The following TMTC1 variants were observed in gnomAD, a reference collection of about 807,000 sequenced individuals.
TMTC1 encodes transmembrane O-mannosyltransferase targeting cadherins 1, also known as protein O-mannosyl-transferase TMTC1.
Under a neutral mutation model 104.8 loss-of-function variants are expected in TMTC1, and 73 were observed. The ratio of observed to expected loss-of-function variants is 0.70; its 90% CI spans 0.58 to 0.85. The LOEUF is 0.85. Ranked by LOEUF, TMTC1 falls within the 40% of genes least tolerant of loss-of-function variation. TMTC1 has a pLI of 0.00. For synonymous variants in TMTC1, 434 were observed against 428.7 expected (o/e 1.01, Z -0.15); for missense variants, 1,035 against 1,096.1 (o/e 0.94, Z 0.79).
chr12:29,581,499 A>T, intron 8 of TMTC1, among the ~76,000 whole-genome samples: 1 of 152,230 alleles, frequency 6.6e-6, no homozygotes, highest in East Asian at 1.9e-4. Context: ...ATGTGAAGAT[A>T]CTACATACTT....
At chr12:29,729,660 C>A (rs1355168289) in intron 5 of TMTC1, among the ~76,000 whole-genome samples, 1 of 152,144 alleles carries the variant, frequency 6.6e-6, no homozygotes, top group Non-Finnish European at 1.5e-5. Flanking sequence ...GGGGTTACGG[C>A]CTCACTGGTG....
intron 2 of TMTC1, among the ~76,000 whole-genome samples, 169 bp downstream of exon 2, chr12:29,767,729 T>C (rs1020601346): frequency 6.6e-6 from 1 of 152,170 alleles, no homozygotes; most frequent in Non-Finnish European, 1.5e-5. Flanking sequence ...TCATATGTTT[T>C]TGAAAAGGAA....
Position 29,501,866 on chromosome 12 carries a change from G to A in TMTC1, c.*4980C>T, listed in dbSNP as rs1405550328. 6.6e-6 allele frequency: 1 copy of A among 151,930 alleles called. No homozygotes were observed. Among genetic ancestry groups the A allele is most frequent in the Non-Finnish European group, 1.5e-5 (1 of 67,988 alleles). The allele number at this position is 151,930 out of a possible 1,614,324, so 9.4% of individuals were successfully genotyped here. On this transcript the variant is annotated 3_prime_UTR_variant, in exon 18 of 18. Transcript: ENST00000539277. ...TTATAAAGATCTTATCAATTCTGTT[G>A]TGCCACTTTGATTGATATTAAACCA... is the stretch of plus-strand genomic sequence containing the variant.
chr12:29,549,555 C>A (rs544733696), intron 10 of TMTC1, among the ~76,000 whole-genome samples: 174 of 151,794 alleles, frequency 1.1e-3, no homozygotes, highest in African/African-American at 4.0e-3. Context: ...TAAAAAAAAA[C>A]ACACAAACAC....
chr12:29,684,642 T>C (rs2136729294), intron 5 of TMTC1, among the ~76,000 whole-genome samples: 1 of 152,300 alleles, frequency 6.6e-6, no homozygotes, highest in Middle Eastern at 3.4e-3. Flanking sequence ...ACACTGATCA[T>C]TGGTGTGTAA....
intron 7 of TMTC1, among the ~76,000 whole-genome samples, chr12:29,592,458 T>C (rs1185518641): frequency 1.3e-5 from 2 of 152,204 alleles, no homozygotes; most frequent in Non-Finnish European, 2.9e-5. Context: ...TCTTTATATA[T>C]ATTTCTCCAT....
chr12:29,580,160 TA>T (rs1176181556), intron 8 of TMTC1, among the ~76,000 whole-genome samples: 1 of 151,782 alleles, frequency 6.6e-6, no homozygotes, highest in Non-Finnish European at 1.5e-5. Context: ...CTACAAAACA[TA>T]AAAAAATATT....
At chr12:29,624,475 C>T (rs907440951) in intron 6 of TMTC1, among the ~76,000 whole-genome samples, 6 of 152,222 alleles carry the variant, frequency 3.9e-5, no homozygotes, top group African/African-American at 1.4e-4. Flanking sequence ...CACACACTCG[C>T]TCCTTAATCA....
At position 29,513,763 on chromosome 12, in the gene TMTC1, A is replaced by G. The variant is rs746241683; in HGVS notation, c.2430+719T>C. ...TATTCCAAAACCATAGATACTGAAC[A>G]CCTTGTAAGATGCAAAACATTGTTT... On this transcript the variant is annotated intron_variant, in intron 16 of 17. Transcript: ENST00000539277. Among the ~76,000 whole-genome samples the G allele has an allele frequency of 1.3e-4, 20 of 152,198 alleles. 1 individual carries two copies. Among genetic ancestry groups the G allele is most frequent in the Admixed American group, 6.5e-5 (1 of 15,280 alleles).
At chr12:29,748,134 T>C (rs1185010721) in intron 5 of TMTC1, among the ~76,000 whole-genome samples, 1 of 152,186 alleles carries the variant, frequency 6.6e-6, no homozygotes, top group Non-Finnish European at 1.5e-5. Context: ...TGGGGGAAGA[T>C]GGTCCGGGAC....
At chr12:29,587,901 T>C (rs1236436016) in intron 7 of TMTC1, among the ~76,000 whole-genome samples, 1 of 152,202 alleles carries the variant, frequency 6.6e-6, no homozygotes, top group African/African-American at 2.4e-5. Context: ...CAACTAAATA[T>C]TCTCATTCCT....
At chr12:29,768,509 C>T (rs1218739364) in intron 1 of TMTC1, among the ~76,000 whole-genome samples, 2 of 152,230 alleles carry the variant, frequency 1.3e-5, no homozygotes, top group South Asian at 2.1e-4. Flanking sequence ...CATGAAACTA[C>T]GATTATAGTC....
intron 11 of TMTC1, among the ~76,000 whole-genome samples, chr12:29,527,360 C>T (rs768116993): frequency 6.6e-6 from 1 of 152,216 alleles, no homozygotes; most frequent in Non-Finnish European, 1.5e-5. Flanking sequence ...GTGAGAGACA[C>T]AATCCCTACC....
intron 5 of TMTC1, among the ~76,000 whole-genome samples, chr12:29,696,531 T>A (rs1941428800): frequency 6.6e-6 from 1 of 152,188 alleles, no homozygotes; most frequent in Admixed American, 6.5e-5. Flanking sequence ...TTAAATGAAA[T>A]CTTTTGCTCT....
intron 10 of TMTC1, among the ~76,000 whole-genome samples, chr12:29,551,658 G>A (rs1483097488): frequency 6.6e-6 from 1 of 152,114 alleles, no homozygotes; most frequent in African/African-American, 2.4e-5. Flanking sequence ...TATTTTAACA[G>A]AGCATTCACA....
chr12:29,508,634 T>C (rs1385317893), intron 17 of TMTC1, among the ~76,000 whole-genome samples: 1 of 152,052 alleles, frequency 6.6e-6, no homozygotes, highest in Non-Finnish European at 1.5e-5. Context: ...AGTGCAGTGG[T>C]GCAATGTCAG....
chr12:29,518,616 A>C lies in TMTC1; in HGVS notation c.1889-9T>G. The C allele has an allele frequency of 1.2e-6, 2 of 1,613,610 alleles. No individual in the cohort carries two copies. Among genetic ancestry groups the C allele is most frequent in the Non-Finnish European group, 1.7e-6 (2 of 1,179,656 alleles). On this transcript the variant is annotated splice_polypyrimidine_tract_variant and intron_variant, in intron 12 of 17. Coordinates refer to ENST00000539277, the MANE Select transcript of TMTC1 (RefSeq NM_001193451.2). ...TGCCTTTTCTGGTAAGCCTGTAACC[A>C]GTGACAGGTTGGTAAGAGCAGAACA...
rs768049321 is a variant in TMTC1 at position 29,512,084 on chromosome 12, C to G, written c.2467G>C (p.Ala823Pro). Reference protein sequence around the residue: ...RVAVQLNPDQAQAWMNMGGIQ... With the variant: ...RVAVQLNPDQPQAWMNMGGIQ... The stretch of plus-strand genomic sequence containing the variant: ...CCACCCATGTTCATCCAGGCCTGTG[C>G]TTGGTCTGGGTTTAGTTGCACAGCC... Residue 823 changes from alanine (A) to proline (P), a missense_variant, in exon 17 of 18, where the codon GCA (alanine) becomes CCA (proline). Ala to Pro is a conservative substitution (Grantham distance 27, BLOSUM62 -1). Transcript: ENST00000539277. 6.2e-7 allele frequency: 1 copy of G among 1,614,044 alleles called. No homozygotes were observed. Among genetic ancestry groups the G allele is most frequent in the East Asian group, 2.2e-5 (1 of 44,874 alleles).
intron 6 of TMTC1, among the ~76,000 whole-genome samples, chr12:29,619,357 C>A (rs10771553): frequency 0.45 from 68,981 of 152,064 alleles, 16,471 homozygotes; most frequent in African/African-American, 0.6. Flanking sequence ...ATGGTATATT[C>A]CACATGACAC....
Sources: gnomAD v4.1 joint callset for allele counts (sites outside exome capture counted in the v4.1 genomes callset) on GRCh38, gnomAD v4.1.1 for gene constraint, MANE v1.5 for transcripts, NCBI Gene and HGNC (gene_info 2026-07-23, HGNC 2026-07-21) for gene names.